The following LRP1B variants were observed in gnomAD, a reference collection of about 807,000 sequenced individuals.
LRP1B encodes low-density lipoprotein receptor-related protein 1B.
A neutral mutation model predicts 556.6 loss-of-function variants in LRP1B; 217 were observed. That is an observed-to-expected ratio of 0.39 (90% CI 0.35 to 0.44). The LOEUF is 0.44. Ranked by LOEUF, LRP1B falls within the 20% of genes least tolerant of loss-of-function variation. LRP1B has a pLI of 1.00. For synonymous variants in LRP1B, 2,047 were observed against 1,865.8 expected (o/e 1.10, Z -2.50); for missense variants, 5,053 against 5,620.8 (o/e 0.90, Z 3.23).
At chr2:141,665,264 G>C (rs1036122373) in intron 2 of LRP1B, among the ~76,000 whole-genome samples, 1 of 152,144 alleles carries the variant, frequency 6.6e-6, no homozygotes, top group Non-Finnish European at 1.5e-5. Context: ...TTAAAATGTG[G>C]TCAAAGGACA....
chr2:141,240,262 A>T (rs1229043247), intron 5 of LRP1B, among the ~76,000 whole-genome samples: 1 of 152,082 alleles, frequency 6.6e-6, no homozygotes, highest in African/African-American at 2.4e-5. Context: ...CCCAAAGGGC[A>T]TTCTCTAACT....
At chr2:140,439,735 T>A (rs1049992683) in intron 66 of LRP1B, among the ~76,000 whole-genome samples, 2 of 152,080 alleles carry the variant, frequency 1.3e-5, no homozygotes, top group African/African-American at 2.4e-5. Flanking sequence ...TTACATCTAT[T>A]CAAAGGCTCC....
intron 41 of LRP1B, among the ~76,000 whole-genome samples, chr2:140,698,062 T>C (rs545321997): frequency 7.9e-4 from 115 of 145,044 alleles, no homozygotes; most frequent in African/African-American, 2.6e-3. Context: ...AATAAAATGG[T>C]TTTTTTTTTT....
chr2:141,424,936 T>C (rs1467224950), intron 3 of LRP1B, among the ~76,000 whole-genome samples: 1 of 152,146 alleles, frequency 6.6e-6, no homozygotes, highest in Admixed American at 6.5e-5. Context: ...ATTATTATTA[T>C]ACTTTAAGTT....
intron 3 of LRP1B, among the ~76,000 whole-genome samples, chr2:141,277,349 G>A (rs1215289081): frequency 1.3e-5 from 2 of 152,102 alleles, no homozygotes; most frequent in Non-Finnish European, 2.9e-5. Flanking sequence ...ATGTGAGATG[G>A]TATCTGACTG....
At chr2:140,653,363 T>C (rs79200302) in intron 41 of LRP1B, among the ~76,000 whole-genome samples, 8,832 of 152,060 alleles carry the variant, frequency 0.058, 303 homozygotes, top group Admixed American at 0.078. Flanking sequence ...TAAGGGAATA[T>C]ATTGGTGCAG....
chr2:141,470,113 G>T (rs1319433508), intron 3 of LRP1B, among the ~76,000 whole-genome samples: 1 of 152,034 alleles, frequency 6.6e-6, no homozygotes, highest in South Asian at 2.1e-4. Flanking sequence ...ATCCCCCGTG[G>T]GAATACATTA....
intron 33 of LRP1B, among the ~76,000 whole-genome samples, chr2:140,774,029 G>A (rs1689407491): frequency 6.6e-6 from 1 of 152,014 alleles, no homozygotes; most frequent in Admixed American, 6.6e-5. Flanking sequence ...CAACTCTCCA[G>A]TGATCTTTGT....
At chr2:140,483,093 C>T (rs1054552298) in intron 59 of LRP1B, among the ~76,000 whole-genome samples, 9 of 152,074 alleles carry the variant, frequency 5.9e-5, no homozygotes, top group African/African-American at 2.2e-4. Flanking sequence ...AAAAAGGTGC[C>T]ATTAAATTTT....
chr2:140,280,930 C>T (rs1682888206), intron 84 of LRP1B, among the ~76,000 whole-genome samples: 1 of 151,720 alleles, frequency 6.6e-6, no homozygotes, highest in African/African-American at 2.4e-5. Context: ...AGGGTAATTA[C>T]ACTAAGAACT....
At chr2:142,048,076 G>A (rs1222602412) in intron 1 of LRP1B, among the ~76,000 whole-genome samples, 1 of 152,006 alleles carries the variant, frequency 6.6e-6, no homozygotes, top group African/African-American at 2.4e-5. Context: ...TATATCATAA[G>A]TGACCATTTT....
intron 37 of LRP1B, among the ~76,000 whole-genome samples, chr2:140,705,448 C>A (rs766121494): frequency 7.1e-6 from 1 of 141,780 alleles, no homozygotes; most frequent in Admixed American, 7.6e-5. Context: ...CACTGGAACC[C>A]GGGACACAGA....
intron 22 of LRP1B, among the ~76,000 whole-genome samples, chr2:140,907,652 G>A (rs907370389): frequency 6.6e-6 from 1 of 152,044 alleles, no homozygotes; most frequent in African/African-American, 2.4e-5. Flanking sequence ...AAGTAACTTC[G>A]ATATAGGCTA....
intron 1 of LRP1B, among the ~76,000 whole-genome samples, chr2:142,066,577 A>G (rs533639164): frequency 2.6e-5 from 4 of 151,600 alleles, no homozygotes; most frequent in African/African-American, 9.6e-5. Context: ...CAGTCTACTT[A>G]CAAGGACTTA....
intron 32 of LRP1B, among the ~76,000 whole-genome samples, chr2:140,796,928 A>G (rs1489604361): frequency 6.6e-6 from 1 of 151,710 alleles, no homozygotes; most frequent in Non-Finnish European, 1.5e-5. Context: ...ATGATATGTT[A>G]TTTGTCATGC....
At chr2:140,495,517 C>T (rs1356821541) in intron 56 of LRP1B, 48 bp downstream of exon 56, 7 of 1,503,124 alleles carry the variant, frequency 4.7e-6, no homozygotes, top group Non-Finnish European at 6.4e-6. Flanking sequence ...AATTCAGGAT[C>T]CATATGTATA....
intron 22 of LRP1B, among the ~76,000 whole-genome samples, chr2:140,907,591 G>C (rs1253411724): frequency 6.6e-6 from 1 of 152,028 alleles, no homozygotes; most frequent in African/African-American, 2.4e-5. Context: ...TCAACTGCGG[G>C]AACATCACTG....
At chr2:140,388,834 G>T (rs564855789) in intron 66 of LRP1B, among the ~76,000 whole-genome samples, 9 of 152,176 alleles carry the variant, frequency 5.9e-5, no homozygotes, top group African/African-American at 2.2e-4. Flanking sequence ...ATATCTCTTT[G>T]CCCAAACCAT....
intron 1 of LRP1B, among the ~76,000 whole-genome samples, chr2:142,130,398 G>A (rs1707808759): frequency 1.3e-5 from 2 of 152,204 alleles, no homozygotes; most frequent in African/African-American, 4.8e-5. Context: ...ACACACTCCC[G>A]GAGGGGACAA....
Sources: allele counts gnomAD v4.1 joint callset (sites outside exome capture counted in the v4.1 genomes callset), GRCh38; gene constraint gnomAD v4.1.1; transcripts MANE v1.5; gene names NCBI Gene and HGNC (gene_info 2026-07-23, HGNC 2026-07-21).